Variants in EDN3 observed in about 807,000 individuals in gnomAD.
The protein encoded by EDN3 is endothelin 3, also known as endothelin-3.
EDN3 carries 9 observed loss-of-function variants against 21.4 expected under a neutral mutation model. That is an observed-to-expected ratio of 0.42 (90% CI 0.25 to 0.73). EDN3 has a LOEUF of 0.73. Ranked by LOEUF, EDN3 falls within the 30% of genes least tolerant of loss-of-function variation. The pLI is 0.26. For missense variants in EDN3, 327 were observed against 309.4 expected (o/e 1.06, Z -0.43); for synonymous variants, 133 against 126.2 (o/e 1.05, Z -0.36).
chr20:59,311,665 T>A (rs1220750030), intron 2 of EDN3, among the ~76,000 whole-genome samples: 1 of 151,966 alleles, frequency 6.6e-6, no homozygotes, highest in Non-Finnish European at 1.5e-5. Context: ...TGTTTTTTTT[T>A]TTTTTCCACG....
Position 59,301,763 on chromosome 20 carries a change from C to G in EDN3, c.365+41C>G, listed in dbSNP as rs369698217. On this transcript the variant is annotated intron_variant, in intron 2 of 4. Coordinates refer to ENST00000337938, the MANE Select transcript of EDN3 (RefSeq NM_207034.3). ...GTGGTGAGGAACGTGGCTCCCGGAC[C>G]AGGCCCACATCTGCTCATTCCCAGG... The G allele has an allele frequency of 6.2e-6, 10 of 1,604,162 alleles. No homozygotes were observed. The African/African-American group carries it at 1.2e-4, about 19-fold the overall frequency.
At chr20:59,318,774 C>A (rs1337668976) in intron 2 of EDN3, among the ~76,000 whole-genome samples, 1 of 152,242 alleles carries the variant, frequency 6.6e-6, no homozygotes, top group Non-Finnish European at 1.5e-5. Context: ...TTACTTAAAA[C>A]ACTTTGGAGT....
intron 4 of EDN3, 120 bp from the exon 5 acceptor site, chr20:59,324,209 CAG>C (rs1360641305): frequency 7.9e-7 from 1 of 1,267,184 alleles, no homozygotes; most frequent in African/African-American, 1.5e-5. Context: ...CAGTTCCAAT[CAG>C]GGAACAGGCT....
chr20:59,312,738 G>A (rs1379292514), intron 2 of EDN3, among the ~76,000 whole-genome samples: 2 of 152,286 alleles, frequency 1.3e-5, no homozygotes, highest in African/African-American at 4.8e-5. Flanking sequence ...CTTCTCCAGT[G>A]ATTGTGCTAT....
chr20:59,308,073 T>C (rs1170513610), intron 2 of EDN3, among the ~76,000 whole-genome samples: 3 of 152,180 alleles, frequency 2.0e-5, no homozygotes, highest in East Asian at 1.9e-4. Context: ...TTGGCTTGCA[T>C]AGAAGCATGT....
At chr20:59,320,388 G>A (rs1990451941) in intron 2 of EDN3, among the ~76,000 whole-genome samples, 1 of 152,250 alleles carries the variant, frequency 6.6e-6, no homozygotes, top group South Asian at 2.1e-4. Context: ...CTGGCCTCAG[G>A]CTGCGGGGTA....
At position 59,324,607 on chromosome 20, in the gene EDN3, CCA is replaced by C; in HGVS notation, c.*150_*151del. 1.9e-6 allele frequency: 2 copies of C among 1,076,756 alleles called. No individual in the cohort carries two copies. The highest frequency in any genetic ancestry group is 1.4e-6 in the Non-Finnish European group (1 of 737,968). The allele number at this position is 1,076,756 out of a possible 1,614,324, so 66.7% of individuals were successfully genotyped here. A position where few individuals can be genotyped will look rare whatever the true frequency, so the allele number is the denominator to read the frequency against. On this transcript the variant is annotated 3_prime_UTR_variant, in exon 5 of 5. Transcript: ENST00000337938. ...GTCCCCACTTAACAATACCCCCCCC[CCA>C]CGGCAAGAATGCCCAAATCCGAATG...
At position 59,300,802 on chromosome 20, in the gene EDN3, G is replaced by T; in HGVS notation, c.-11G>T. 1 of 1,609,682 alleles carries T rather than the reference G, an allele frequency of 6.2e-7. No homozygotes were observed. Among genetic ancestry groups the T allele is most frequent in the Non-Finnish European group, 8.5e-7 (1 of 1,178,988 alleles). On this transcript the variant is annotated 5_prime_UTR_variant, in exon 1 of 5. Transcript: ENST00000337938. Reference sequence around the variant, plus strand: ...CTCCTGGTCCGGTGCTCCGGCGCCTGATCTAGGTTCATGGAGCCGGGGCTG... The same window carrying T: ...CTCCTGGTCCGGTGCTCCGGCGCCTTATCTAGGTTCATGGAGCCGGGGCTG...
At position 59,325,744 on chromosome 20, in the gene EDN3, C is replaced by T. The variant is rs1990801880; in HGVS notation, c.*1285C>T. The T allele has an allele frequency of 6.6e-6, 1 of 152,230 alleles. No homozygotes were observed. The highest frequency in any genetic ancestry group is 2.4e-5 in the African/African-American group (1 of 41,450). 9.4% of individuals were successfully genotyped at this position (152,230 alleles called of 1,614,324 possible). A position where few individuals can be genotyped will look rare whatever the true frequency, so the allele number is the denominator to read the frequency against. On this transcript the variant is annotated 3_prime_UTR_variant, in exon 5 of 5. Transcript: ENST00000337938. ...ATTTATTGTGAAACTGTTCTCCACT[C>T]CAACTCCTTTATGTGGATCTGTTCA...
chr20:59,324,467 G>A lies in EDN3; in HGVS notation c.*8G>A. The stretch of plus-strand genomic sequence containing the variant: ...CAGGAAGGAGCCCCTTAGGAGGACA[G>A]GCCTGCAGCATCCTGGTCTCGGGAG... On this transcript the variant is annotated 3_prime_UTR_variant, in exon 5 of 5. Transcript: ENST00000337938. 6.2e-7 allele frequency: 1 copy of A among 1,614,026 alleles called. No homozygotes were observed. The highest frequency in any genetic ancestry group is 8.5e-7 in the Non-Finnish European group (1 of 1,180,002).
At chr20:59,324,152 G>A (rs1183364846) in intron 4 of EDN3, among the ~76,000 whole-genome samples, 179 bp from the exon 5 acceptor site, 1 of 152,210 alleles carries the variant, frequency 6.6e-6, no homozygotes, top group Non-Finnish European at 1.5e-5. Context: ...TTCCAGTCTG[G>A]TGGTAGGCTC....
chr20:59,324,926 C>G lies in EDN3; in HGVS notation c.*467C>G, dbSNP rs143382055. On this transcript the variant is annotated 3_prime_UTR_variant, in exon 5 of 5. Transcript: ENST00000337938. ...GCATGGTGTATGTCAGTGAGGGCCACGAGGCGTCGGCTTTAGACACAGATC... is the reference window on the plus strand; with the variant it reads ...GCATGGTGTATGTCAGTGAGGGCCAGGAGGCGTCGGCTTTAGACACAGATC... 73 of 219,036 alleles carry G rather than the reference C, an allele frequency of 3.3e-4. No individual in the cohort carries two copies. The highest frequency in any genetic ancestry group is 5.9e-4 in the Non-Finnish European group (64 of 107,992). 13.6% of individuals were successfully genotyped at this position (219,036 alleles called of 1,614,324 possible). A position where few individuals can be genotyped will look rare whatever the true frequency, so the allele number is the denominator to read the frequency against.
chr20:59,320,726 A>G (rs969523479), intron 2 of EDN3, among the ~76,000 whole-genome samples: 1 of 152,240 alleles, frequency 6.6e-6, no homozygotes, highest in African/African-American at 2.4e-5. Context: ...GCAGGCACAC[A>G]TGCCCAGACG....
intron 3 of EDN3, among the ~76,000 whole-genome samples, chr20:59,321,628 T>C (rs371315181): frequency 7.2e-4 from 110 of 152,186 alleles, no homozygotes; most frequent in Middle Eastern, 3.2e-3. Context: ...ACCCAGCACG[T>C]AGGACCATCT....
intron 1 of EDN3, 119 bp from the exon 2 acceptor site, chr20:59,301,291 G>A (rs1988994575): frequency 2.4e-6 from 3 of 1,262,666 alleles, no homozygotes; most frequent in Non-Finnish European, 3.3e-6. Flanking sequence ...ACTGCGCAGA[G>A]CTTTGGAAAC....
chr20:59,315,086 A>G (rs1033179070), intron 2 of EDN3, among the ~76,000 whole-genome samples: 3 of 152,242 alleles, frequency 2.0e-5, no homozygotes, highest in African/African-American at 7.2e-5. Flanking sequence ...CAGATGGTAA[A>G]TAAAGGTGAT....
rs761106361 is a variant in EDN3 at position 59,324,413 on chromosome 20, C to T, written c.671C>T (p.Ala224Val). 1.4e-5 allele frequency: 22 copies of T among 1,614,094 alleles called. No individual in the cohort carries two copies. The highest frequency in any genetic ancestry group is 3.3e-4 in the Middle Eastern group (2 of 6,084). Residue 224 changes from alanine (A) to valine (V), a missense_variant, in exon 5 of 5, where the codon GCT becomes GTT. Transcript: ENST00000337938. ...ATGCCCGGCAGTGGACTCGCCCTCG[C>T]TCCATCTACCTGCCCCCGCTGCCTC... ...KLMPGSGLAL[A>V]PSTCPRCLFQ... is the part of the protein sequence containing the mutation.
intron 2 of EDN3, among the ~76,000 whole-genome samples, chr20:59,315,273 T>G (rs962600417): frequency 1.3e-5 from 2 of 152,230 alleles, no homozygotes; most frequent in African/African-American, 2.4e-5. Flanking sequence ...TGCTGGTGCC[T>G]GGCAGCTGGG....
At chr20:59,309,047 C>G (rs916140258) in intron 2 of EDN3, among the ~76,000 whole-genome samples, 2 of 152,222 alleles carry the variant, frequency 1.3e-5, no homozygotes, top group Admixed American at 6.5e-5. Context: ...TCAAAGGTTG[C>G]TGGGCTGGGC....
Sources: gnomAD v4.1 joint callset for allele counts (sites outside exome capture counted in the v4.1 genomes callset) on GRCh38, gnomAD v4.1.1 for gene constraint, MANE v1.5 for transcripts, NCBI Gene and HGNC (gene_info 2026-07-23, HGNC 2026-07-21) for gene names.